EIF3J: variants seen among roughly 807,000 people sequenced by gnomAD.
EIF3J encodes eukaryotic translation initiation factor 3 subunit J.
Under a neutral mutation model 39.0 loss-of-function variants are expected in EIF3J, and 15 were observed. The observed-to-expected ratio is 0.38, with a 90% CI of 0.26 to 0.59. The LOEUF is 0.59. EIF3J is among the 20% of genes least tolerant of loss of function. The pLI is 0.60. For synonymous variants in EIF3J, 98 were observed against 112.9 expected (o/e 0.87, Z 0.84); for missense variants, 226 against 308.6 (o/e 0.73, Z 2.00).
At chr15:44,553,899 G>T (rs1428237579) in intron 4 of EIF3J, among the ~76,000 whole-genome samples, 3 of 152,164 alleles carry the variant, frequency 2.0e-5, no homozygotes, top group Admixed American at 2.0e-4. Context: ...TTTAGTAGCA[G>T]TGTATGAAAG....
chr15:44,544,805 A>G (rs930277360), intron 2 of EIF3J, among the ~76,000 whole-genome samples: 1 of 151,814 alleles, frequency 6.6e-6, no homozygotes. Context: ...AGAGATCAAG[A>G]TTATCCTGGC....
At chr15:44,554,387 A>C (rs181404675) in intron 4 of EIF3J, among the ~76,000 whole-genome samples, 166 bp from the exon 5 acceptor site, 3 of 151,794 alleles carry the variant, frequency 2.0e-5, no homozygotes, top group South Asian at 2.1e-4. Flanking sequence ...AAAAAAAAAA[A>C]AAAAAAAAAA....
intron 2 of EIF3J, among the ~76,000 whole-genome samples, chr15:44,546,240 TAATGA>T (rs1402843014): frequency 1.3e-5 from 2 of 152,240 alleles, no homozygotes; most frequent in East Asian, 3.8e-4. Context: ...GTTACTCAAA[TAATGA>T]CTAGCTGGTT....
intron 2 of EIF3J, among the ~76,000 whole-genome samples, chr15:44,549,764 CAA>C (rs774290941): frequency 7.9e-4 from 9 of 11,460 alleles, no homozygotes; most frequent in East Asian, 4.3e-3. Flanking sequence ...GACTCCGTCT[CAA>C]AAAAAAAAAA....
chr15:44,560,867 C>T, intron 7 of EIF3J, 151 bp from the exon 8 acceptor site: 1 of 1,076,722 alleles, frequency 9.3e-7, no homozygotes, highest in Non-Finnish European at 1.3e-6. Context: ...GAGACCTGTT[C>T]AGGTCCAAAA....
intron 2 of EIF3J, 65 bp from the exon 3 acceptor site, chr15:44,550,811 T>A (rs549570967): frequency 1.8e-6 from 2 of 1,123,026 alleles, no homozygotes; most frequent in South Asian, 2.8e-5. Context: ...TTAGTCAAGT[T>A]GATAATAAAG....
At chr15:44,552,414 T>C (rs977711003) in intron 4 of EIF3J, among the ~76,000 whole-genome samples, 2 of 151,994 alleles carry the variant, frequency 1.3e-5, no homozygotes, top group African/African-American at 2.4e-5. Flanking sequence ...CTGGCTAATC[T>C]TTGTATTTTT....
chr15:44,546,417 T>TA (rs1273123427), intron 2 of EIF3J, among the ~76,000 whole-genome samples: 1 of 152,192 alleles, frequency 6.6e-6, no homozygotes, highest in African/African-American at 2.4e-5. Context: ...TTACTGGACT[T>TA]AGAGATTTTT....
intron 6 of EIF3J, among the ~76,000 whole-genome samples, chr15:44,559,700 C>G (rs1350180467): frequency 1.4e-5 from 2 of 146,474 alleles, no homozygotes; most frequent in Non-Finnish European, 3.0e-5. Flanking sequence ...GAGTGAGACT[C>G]CATCTCAAAA....
At chr15:44,557,338 A>G in intron 5 of EIF3J, 151 bp from the exon 6 acceptor site, 1 of 443,868 alleles carries the variant, frequency 2.3e-6, no homozygotes, top group Non-Finnish European at 3.8e-6. Context: ...TCACCCAGCC[A>G]TTCTATCCAG....
intron 2 of EIF3J, among the ~76,000 whole-genome samples, chr15:44,545,257 C>T (rs2082044262): frequency 6.6e-6 from 1 of 152,098 alleles, no homozygotes; most frequent in Non-Finnish European, 1.5e-5. Context: ...ATTGGAATTG[C>T]TTTATTCCAG....
At chr15:44,539,855 G>T (rs866068764) in intron 2 of EIF3J, among the ~76,000 whole-genome samples, 4 of 151,206 alleles carry the variant, frequency 2.6e-5, no homozygotes, top group African/African-American at 9.7e-5. Context: ...CCGCCTCCCG[G>T]ATTCAAGTGA....
intron 7 of EIF3J, chr15:44,560,580 G>T (rs2082183454): frequency 2.4e-6 from 1 of 424,502 alleles, no homozygotes; most frequent in Non-Finnish European, 4.2e-6. Context: ...AATAGGTATA[G>T]GTAAATCAGC....
At chr15:44,547,868 C>A (rs1379882845) in intron 2 of EIF3J, among the ~76,000 whole-genome samples, 1 of 152,068 alleles carries the variant, frequency 6.6e-6, no homozygotes, top group Admixed American at 6.6e-5. Flanking sequence ...ATGCTTTTTA[C>A]ATTTGGGGGG....
intron 2 of EIF3J, among the ~76,000 whole-genome samples, chr15:44,547,440 CTTTTTTT>C (rs986408245): frequency 1.3e-4 from 12 of 92,528 alleles, no homozygotes; most frequent in Admixed American, 6.3e-4. Flanking sequence ...GGCCTTGATT[CTTTTTTT>C]TTTTTTTTTT....
In EIF3J at chr15:44,537,167, T is replaced by TCTCACACACG. The variant is rs775285708; in HGVS notation, c.-20_-11dup. On this transcript the variant is annotated 5_prime_UTR_variant, in exon 1 of 8. Transcript: ENST00000261868. ...GTGCTAACTCCTCGCTAGCTCTCCC[T>TCTCACACACG]CTCACACACGCTCACACCCGGCTCG... 7.4e-6 allele frequency: 12 copies of TCTCACACACG among 1,612,638 alleles called. No individual in the cohort carries two copies. In the South Asian group the frequency reaches 1.2e-4, roughly 16 times the overall value.
At chr15:44,551,344 C>T in intron 3 of EIF3J, 87 bp from the exon 4 acceptor site, 1 of 873,872 alleles carries the variant, frequency 1.1e-6, no homozygotes, top group Non-Finnish European at 1.8e-6. Context: ...GGTTTGGTCT[C>T]TTAATAGTAT....
chr15:44,549,832 T>A (rs2082084500), intron 2 of EIF3J, among the ~76,000 whole-genome samples: 1 of 147,612 alleles, frequency 6.8e-6, no homozygotes, highest in African/African-American at 2.5e-5. Flanking sequence ...TGGTGGTGTA[T>A]GCCTGTAATC....
chr15:44,542,693 A>G (rs893453794), intron 2 of EIF3J, among the ~76,000 whole-genome samples: 6 of 152,234 alleles, frequency 3.9e-5, no homozygotes, highest in African/African-American at 1.4e-4. Context: ...TTAAAGTTAA[A>G]AAGCAGCCAT....
Sources: allele counts gnomAD v4.1 joint callset (sites outside exome capture counted in the v4.1 genomes callset), GRCh38; gene constraint gnomAD v4.1.1; transcripts MANE v1.5; gene names NCBI Gene and HGNC (gene_info 2026-07-23, HGNC 2026-07-21).